FYB2: variants seen among roughly 807,000 people sequenced by gnomAD.
The protein encoded by FYB2 is FYN-binding protein 2.
In FYB2, 103 loss-of-function variants were observed where a neutral mutation model predicts 94.1. The ratio of observed to expected loss-of-function variants is 1.09; its 90% confidence interval spans 0.93 to 1.29. The LOEUF is 1.29. Among genes scored for constraint, FYB2 ranks in the 50% most tolerant of loss-of-function variants. The pLI is 0.00. For missense variants in FYB2, 896 were observed against 841.5 expected, an observed-to-expected ratio of 1.06 and a Z score of -0.80; for synonymous variants, 293 against 287.9, an observed-to-expected ratio of 1.02 and a Z score of -0.18.
intron 12 of FYB2, 133 bp from the exon 13 acceptor site, chr1:56,740,928 C>T (rs1053304195): frequency 1.7e-5 from 8 of 474,772 alleles, no homozygotes; most frequent in African/African-American, 1.4e-4. Context: ...TATACATGGT[C>T]ATAAAGATGG....
At chr1:56,735,339 T>G (rs1020614935) in intron 15 of FYB2, among the ~76,000 whole-genome samples, 2 of 152,120 alleles carry the variant, frequency 1.3e-5, no homozygotes, top group African/African-American at 4.8e-5. Context: ...GACATTATGT[T>G]AAGTGAAATA....
chr1:56,731,286 C>T (rs573865466), intron 15 of FYB2, among the ~76,000 whole-genome samples: 1 of 152,016 alleles, frequency 6.6e-6, no homozygotes, highest in Non-Finnish European at 1.5e-5. Context: ...TACTCAATAG[C>T]GTGGACAAGT....
intron 1 of FYB2, among the ~76,000 whole-genome samples, chr1:56,810,431 G>A (rs553745613): frequency 6.6e-6 from 1 of 152,012 alleles, no homozygotes; most frequent in Non-Finnish European, 1.5e-5. Context: ...AACAATGCTA[G>A]TACAGAACAA....
intron 4 of FYB2, among the ~76,000 whole-genome samples, chr1:56,784,285 C>T (rs1044641422): frequency 4.6e-5 from 7 of 152,052 alleles, no homozygotes; most frequent in African/African-American, 1.7e-4. Context: ...CAAGATTACA[C>T]AGATGTTAAG....
At chr1:56,787,282 T>C in intron 3 of FYB2, 74 bp from the exon 4 acceptor site, 1 of 1,555,602 alleles carries the variant, frequency 6.4e-7, no homozygotes, top group Non-Finnish European at 8.9e-7. Context: ...GCTTGTGTGA[T>C]GACTTGATCC....
At chr1:56,770,163 C>T (rs1236993306) in intron 4 of FYB2, among the ~76,000 whole-genome samples, 1 of 152,090 alleles carries the variant, frequency 6.6e-6, no homozygotes, top group African/African-American at 2.4e-5. Flanking sequence ...CTACCAGTAA[C>T]TTTAAAAATT....
intron 11 of FYB2, among the ~76,000 whole-genome samples, chr1:56,742,828 TG>T (rs1348559064): frequency 6.6e-6 from 1 of 152,106 alleles, no homozygotes; most frequent in Non-Finnish European, 1.5e-5. Flanking sequence ...ATGAGTGTAC[TG>T]GGTTTAATGA....
At chr1:56,824,645 G>A, upstream of FYB2, 1 of 152,256 alleles carries the variant, frequency 6.6e-6, no homozygotes, top group East Asian at 1.9e-4. Context: ...GTTTGCAAAG[G>A]CATGGCTCCT....
chr1:56,802,035 G>A (rs1469658656), intron 1 of FYB2, among the ~76,000 whole-genome samples: 1 of 152,120 alleles, frequency 6.6e-6, no homozygotes. Context: ...GAAGGAGTTA[G>A]GATTTTATTC....
chr1:56,737,113 A>G lies in FYB2; in HGVS notation c.1767T>C (p.Asp589=). 1 of 1,606,792 alleles carries G rather than the reference A, an allele frequency of 6.2e-7. No homozygotes were observed. The highest frequency in any genetic ancestry group is 8.5e-7 in the Non-Finnish European group (1 of 1,175,232). Residue 589 remains aspartate (D), a synonymous_variant, in exon 15 of 20, where the codon GAT becomes GAC. Transcript: ENST00000343433. ...LKSQEVIIYD[D]VDLSEKESKD... ...TTGACTCTTTTTCACTCAGGTCTAC[A>G]TCATCATAAATAATAACTTCCTGAG...
chr1:56,720,365 A>C (rs755215338), intron 17 of FYB2, 36 bp from the exon 18 acceptor site: 5 of 1,533,642 alleles, frequency 3.3e-6, no homozygotes, highest in East Asian at 2.3e-5. Flanking sequence ...CCATTCTTGC[A>C]TAGTTGTTAT....
chr1:56,760,078 C>CAAAA (rs35665176), intron 5 of FYB2, among the ~76,000 whole-genome samples: 11 of 112,530 alleles, frequency 9.8e-5, no homozygotes, highest in East Asian at 2.4e-4. Context: ...GACTCCATCA[C>CAAAA]AAAAAAAAAA....
chr1:56,725,822 A>C (rs1644572643), intron 16 of FYB2, among the ~76,000 whole-genome samples: 1 of 152,060 alleles, frequency 6.6e-6, no homozygotes, highest in Admixed American at 6.6e-5. Flanking sequence ...CAGACAGACT[A>C]CACAATGTTC....
chr1:56,736,997 C>G, intron 15 of FYB2, 90 bp downstream of exon 15: 1 of 995,868 alleles, frequency 1.0e-6, no homozygotes, highest in Non-Finnish European at 1.5e-6. Flanking sequence ...CTCCAAGGAT[C>G]TGAAAAGATG....
intron 7 of FYB2, 110 bp from the exon 8 acceptor site, chr1:56,754,045 T>C (rs1645266131): frequency 7.3e-6 from 5 of 686,392 alleles, no homozygotes; most frequent in Non-Finnish European, 1.3e-5. Flanking sequence ...TGAACAAATA[T>C]GAATCATTTA....
At chr1:56,811,811 A>AT (rs1402498484) in intron 1 of FYB2, among the ~76,000 whole-genome samples, 1 of 152,198 alleles carries the variant, frequency 6.6e-6, no homozygotes, top group African/African-American at 2.4e-5. Flanking sequence ...CTTTTGGATG[A>AT]TTTTTTTAAA....
intron 11 of FYB2, among the ~76,000 whole-genome samples, chr1:56,743,503 G>T (rs1273891061): frequency 6.6e-6 from 1 of 152,006 alleles, no homozygotes; most frequent in Non-Finnish European, 1.5e-5. Context: ...ACCCAGGGGA[G>T]GAAAGAGCAT....
chr1:56,774,155 T>C (rs755046701), intron 4 of FYB2, among the ~76,000 whole-genome samples: 2 of 152,108 alleles, frequency 1.3e-5, no homozygotes, highest in African/African-American at 2.4e-5. Flanking sequence ...GTATACATAT[T>C]AGATAATGGT....
intron 17 of FYB2, among the ~76,000 whole-genome samples, 180 bp downstream of exon 17, chr1:56,723,408 C>T (rs1644524666): frequency 6.6e-6 from 1 of 151,810 alleles, no homozygotes; most frequent in South Asian, 2.1e-4. Context: ...ATAGCATGGA[C>T]AGACATAACA....
Sources: gnomAD v4.1 joint callset for allele counts (sites outside exome capture counted in the v4.1 genomes callset) on GRCh38, gnomAD v4.1.1 for gene constraint, MANE v1.5 for transcripts, NCBI Gene and HGNC (gene_info 2026-07-23, HGNC 2026-07-21) for gene names.